NBEAL1: variants seen among roughly 807,000 people sequenced by gnomAD.
NBEAL1 encodes neurobeachin like 1.
In NBEAL1, 273 loss-of-function variants were observed where a neutral mutation model predicts 351.3. That is an observed-to-expected ratio of 0.78 (90% CI 0.70 to 0.86). The LOEUF is 0.86. Ranked by LOEUF, NBEAL1 falls within the 40% of genes least tolerant of loss-of-function variation. The pLI is 0.00. For missense variants in NBEAL1, 2,961 were observed against 3,201.3 expected, an observed-to-expected ratio of 0.92 and a Z score of 1.81; for synonymous variants, 1,050 against 1,086.4, an observed-to-expected ratio of 0.97 and a Z score of 0.66.
At chr2:203,200,586 C>CG (rs1296542072) in intron 49 of NBEAL1, among the ~76,000 whole-genome samples, 1 of 145,306 alleles carries the variant, frequency 6.9e-6, no homozygotes, top group Non-Finnish European at 1.5e-5. Flanking sequence ...CCAAGCTACT[C>CG]GGGGGGCTGA....
intron 55 of NBEAL1, among the ~76,000 whole-genome samples, chr2:203,216,087 A>AGG (rs1176275904): frequency 1.3e-5 from 2 of 151,928 alleles, no homozygotes; most frequent in Non-Finnish European, 2.9e-5. Flanking sequence ...AACAAACCAT[A>AGG]GGGGATTTTT....
At chr2:203,143,203 CAAGGAAA>C (rs1473388135) in intron 31 of NBEAL1, among the ~76,000 whole-genome samples, 2 of 152,012 alleles carry the variant, frequency 1.3e-5, no homozygotes, top group African/African-American at 2.4e-5. Context: ...TTTCTGTAGC[CAAGGAAA>C]AAGGAAACCC....
At chr2:203,037,039 G>A (rs2061050695) in intron 2 of NBEAL1, among the ~76,000 whole-genome samples, 1 of 149,158 alleles carries the variant, frequency 6.7e-6, no homozygotes, top group South Asian at 2.1e-4. Flanking sequence ...TGAAACTTGA[G>A]AAAATTCTCA....
At chr2:203,172,953 C>A (rs2064371757) in intron 41 of NBEAL1, 100 bp downstream of exon 41, 2 of 886,124 alleles carry the variant, frequency 2.3e-6, no homozygotes, top group Non-Finnish European at 3.2e-6. Context: ...TTTTATCGTA[C>A]TACTACTTTT....
At chr2:203,205,314 C>T (rs545833480) in intron 51 of NBEAL1, among the ~76,000 whole-genome samples, 1 of 151,956 alleles carries the variant, frequency 6.6e-6, no homozygotes, top group South Asian at 2.1e-4. Flanking sequence ...TTTTTTTAAC[C>T]ATTTAAAAGT....
intron 15 of NBEAL1, 114 bp downstream of exon 15, chr2:203,110,396 C>A: frequency 9.1e-7 from 1 of 1,095,220 alleles, no homozygotes; most frequent in Non-Finnish European, 1.3e-6. Flanking sequence ...TGAGGCTGGG[C>A]GCAGTGGCAC....
chr2:203,061,343 G>T (rs570642754), intron 6 of NBEAL1: 22 of 152,086 alleles, frequency 1.4e-4, no homozygotes, highest in African/African-American at 4.8e-4. Context: ...TTTTTCATTT[G>T]TTCTAATAGA....
rs1288553864 is a variant in NBEAL1 at position 203,188,477 on chromosome 2, T to C, written c.6711T>C (p.Ser2237=). Residue 2237 remains serine, a synonymous_variant, in exon 45 of 56, where the codon TCT becomes TCC. Transcript: ENST00000683969. ...FIYKHRKALE[S]EYVSAHLHEW... is the part of the protein sequence containing the mutation. ...TAAATTTATTCTTTTTCTAGGAGTCTGAATATGTTTCAGCTCATCTTCATG... is the reference window on the plus strand; with the variant it reads ...TAAATTTATTCTTTTTCTAGGAGTCCGAATATGTTTCAGCTCATCTTCATG... 2 of 1,536,094 alleles carry C rather than the reference T, an allele frequency of 1.3e-6. No individual in the cohort carries two copies. The highest frequency in any genetic ancestry group is 1.8e-6 in the Non-Finnish European group (2 of 1,139,754).
At chr2:203,065,441 A>G (rs2061566196) in intron 6 of NBEAL1, among the ~76,000 whole-genome samples, 1 of 152,152 alleles carries the variant, frequency 6.6e-6, no homozygotes, top group Admixed American at 6.5e-5. Context: ...TGTCCTAGGT[A>G]TGATGTGAGT....
At chr2:203,147,951 T>G (rs1333926328) in intron 33 of NBEAL1, among the ~76,000 whole-genome samples, 3 of 152,028 alleles carry the variant, frequency 2.0e-5, no homozygotes, top group Non-Finnish European at 2.9e-5. Flanking sequence ...TAGAAATACC[T>G]AATTTAAGAA....
At chr2:203,049,692 G>C (rs2061293173) in intron 3 of NBEAL1, 122 bp from the exon 4 acceptor site, 1 of 772,390 alleles carries the variant, frequency 1.3e-6, no homozygotes, top group Non-Finnish European at 2.0e-6. Flanking sequence ...AAGGCACAGA[G>C]TATCTGGAAT....
intron 7 of NBEAL1, among the ~76,000 whole-genome samples, chr2:203,072,738 G>A (rs1468107519): frequency 6.6e-6 from 1 of 152,142 alleles, no homozygotes; most frequent in Non-Finnish European, 1.5e-5. Context: ...GAGCTCACCA[G>A]AATTGCCCTG....
intron 26 of NBEAL1, 99 bp downstream of exon 26, chr2:203,132,231 T>C: frequency 1.2e-6 from 1 of 810,696 alleles, no homozygotes; most frequent in Non-Finnish European, 1.9e-6. Flanking sequence ...TATCTGTTAT[T>C]TGATTCAGCA....
At chr2:203,056,192 G>A (rs1271836424) in intron 4 of NBEAL1, among the ~76,000 whole-genome samples, 1 of 152,116 alleles carries the variant, frequency 6.6e-6, no homozygotes, top group East Asian at 1.9e-4. Flanking sequence ...ATAAATAGAT[G>A]CTAATCAGCA....
chr2:203,114,605 T>C (rs1362926000), intron 17 of NBEAL1, among the ~76,000 whole-genome samples: 2 of 152,250 alleles, frequency 1.3e-5, no homozygotes, highest in Non-Finnish European at 2.9e-5. Context: ...GTTCAGGAGT[T>C]AAGCTTTTAA....
intron 2 of NBEAL1, among the ~76,000 whole-genome samples, chr2:203,023,452 AAAACGTTGTTAAGATGCATTAACTTT>A (rs2060800643): frequency 1.3e-5 from 2 of 152,252 alleles, no homozygotes; most frequent in African/African-American, 4.8e-5. Context: ...CCTGAAATGA[AAAACGTTGTTAAGATGCATTAACTTT>A]TTAAATTCTT....
intron 33 of NBEAL1, 139 bp downstream of exon 33, chr2:203,145,299 G>T (rs944881454): frequency 6.5e-5 from 49 of 754,948 alleles, no homozygotes; most frequent in Non-Finnish European, 9.3e-5. Flanking sequence ...AGAATTAGAA[G>T]AAAAACAGCT....
In NBEAL1 at chr2:203,221,289, A is replaced by G. The variant is rs1269746224; in HGVS notation, c.*3935A>G. ...ACTTAAGGAAGTTAGCTCCTTTTAT[A>G]TATTTATAAAATGAGTAGCATTATC... On this transcript the variant is annotated 3_prime_UTR_variant, in exon 56 of 56. Transcript: ENST00000683969. 6.6e-6 allele frequency among the ~76,000 whole-genome samples: 1 copy of G among 151,772 alleles called. No homozygotes were observed. The highest frequency in any genetic ancestry group is 2.4e-5 in the African/African-American group (1 of 41,380).
intron 51 of NBEAL1, among the ~76,000 whole-genome samples, chr2:203,204,038 C>T (rs1054573644): frequency 6.6e-6 from 1 of 151,248 alleles, no homozygotes; most frequent in Non-Finnish European, 1.5e-5. Context: ...AAGTGATTCT[C>T]CTGCCTCAGT....
Sources: allele counts gnomAD v4.1 joint callset (sites outside exome capture counted in the v4.1 genomes callset), GRCh38; gene constraint gnomAD v4.1.1; transcripts MANE v1.5; gene names NCBI Gene and HGNC (gene_info 2026-07-23, HGNC 2026-07-21).